MSRA: variants seen among roughly 807,000 people sequenced by gnomAD.
The protein encoded by MSRA is methionine sulfoxide reductase A.
Under a neutral mutation model 31.3 loss-of-function variants are expected in MSRA, and 54 were observed. That is an observed-to-expected ratio of 1.73 (90% CI 1.39 to 2.17). MSRA has a LOEUF of 2.17. Among genes scored for constraint, MSRA ranks in the 30% most tolerant of loss-of-function variants. MSRA has a pLI of 0.00. For synonymous variants in MSRA, 169 were observed against 116.5 expected, an observed-to-expected ratio of 1.45 and a Z score of -2.90; for missense variants, 507 against 300.9, an observed-to-expected ratio of 1.69 and a Z score of -5.07.
chr8:10,310,495 A>G (rs1801375323), intron 4 of MSRA, among the ~76,000 whole-genome samples: 1 of 151,990 alleles, frequency 6.6e-6, no homozygotes, highest in Non-Finnish European at 1.5e-5. Context: ...TCTATTTAAC[A>G]TTTTTCCTTT....
chr8:10,363,738 C>CCCCACACACACACACACA (rs1804991535), intron 5 of MSRA, among the ~76,000 whole-genome samples: 1 of 103,288 alleles, frequency 9.7e-6, no homozygotes, highest in African/African-American at 3.3e-5. Flanking sequence ...GATGCAGTCA[C>CCCCACACACACACACACA]CACACACACA....
intron 5 of MSRA, among the ~76,000 whole-genome samples, chr8:10,332,021 C>T (rs1432348730): frequency 6.6e-6 from 1 of 152,126 alleles, no homozygotes; most frequent in Non-Finnish European, 1.5e-5. Context: ...CTTCATCCTG[C>T]CTTTCTAGAG....
intron 5 of MSRA, among the ~76,000 whole-genome samples, chr8:10,386,094 A>C (rs1196492854): frequency 6.6e-6 from 1 of 152,228 alleles, no homozygotes; most frequent in Admixed American, 6.5e-5. Context: ...GGGGCCATTG[A>C]AGTGCCTGTG....
intron 2 of MSRA, among the ~76,000 whole-genome samples, chr8:10,232,739 GATTAAA>G (rs1197590512): frequency 6.6e-6 from 1 of 152,154 alleles, no homozygotes; most frequent in East Asian, 1.9e-4. Context: ...AGTAATGACA[GATTAAA>G]ATTGTGAGTA....
At chr8:10,212,690 G>A (rs1432392531) in intron 2 of MSRA, among the ~76,000 whole-genome samples, 1 of 152,130 alleles carries the variant, frequency 6.6e-6, no homozygotes, top group Non-Finnish European at 1.5e-5. Context: ...ACTTTCCAGG[G>A]ATGTAGGGTA....
chr8:10,319,958 C>T lies in MSRA; in HGVS notation c.512C>T (p.Ala171Val). The stretch of plus-strand genomic sequence containing the variant: ...CCGACCTCTGCCAAGCAAATGGAGG[C>T]AGCCCTGAGCTCCAAAGAGAACTAC... ...IYPTSAKQMEAALSSKENYQK... is the reference protein window; with the variant it reads ...IYPTSAKQMEVALSSKENYQK... The change falls in exon 5 of 6, where the codon GCA becomes GTA. Residue 171 changes from alanine to valine, a missense_variant. Transcript: ENST00000317173. 6.2e-7 allele frequency: 1 copy of T among 1,601,028 alleles called. No individual in the cohort carries two copies.
At chr8:10,412,896 T>C (rs1302521708) in intron 5 of MSRA, among the ~76,000 whole-genome samples, 1 of 152,198 alleles carries the variant, frequency 6.6e-6, no homozygotes, top group African/African-American at 2.4e-5. Flanking sequence ...CAAAGTGGCA[T>C]GATCAGTTTG....
chr8:10,135,608 G>A (rs1215488071), intron 1 of MSRA, among the ~76,000 whole-genome samples: 1 of 152,168 alleles, frequency 6.6e-6, no homozygotes, highest in Non-Finnish European at 1.5e-5. Context: ...ATGATCCCAA[G>A]CATATAACAT....
intron 3 of MSRA, among the ~76,000 whole-genome samples, chr8:10,268,445 C>T (rs538918548): frequency 6.6e-6 from 1 of 152,354 alleles, no homozygotes; most frequent in African/African-American, 2.4e-5. Flanking sequence ...TGAACTTCTA[C>T]TCCCGAGGTT....
chr8:10,357,798 G>T (rs1249322881), intron 5 of MSRA, among the ~76,000 whole-genome samples: 1 of 152,258 alleles, frequency 6.6e-6, no homozygotes, highest in African/African-American at 2.4e-5. Context: ...GTATGTTGGG[G>T]AGGGAGGGGT....
intron 1 of MSRA, among the ~76,000 whole-genome samples, chr8:10,173,324 A>G (rs17151249): frequency 0.019 from 2,881 of 152,334 alleles, 92 homozygotes; most frequent in African/African-American, 0.065. Flanking sequence ...TATCACACCC[A>G]GTTACTGTGA....
intron 5 of MSRA, among the ~76,000 whole-genome samples, chr8:10,403,764 G>A (rs369151882): frequency 2.0e-5 from 3 of 152,204 alleles, no homozygotes; most frequent in South Asian, 2.1e-4. Context: ...TGGCTTCCAG[G>A]CTCAGGCTGA....
rs144139440 is a variant in MSRA at position 10,269,381 on chromosome 8, C to T, written c.331+24158C>T. ...ACTTATAGCAGAATCAGAAATATGT[C>T]ATGATATATAGGCCTACTTATGGAA... On this transcript the variant is annotated intron_variant, in intron 3 of 5. Transcript: ENST00000317173. Among the ~76,000 whole-genome samples the T allele has an allele frequency of 1.9e-3, 287 of 152,284 alleles. 1 individual carries two copies. The highest frequency in any genetic ancestry group is 6.6e-3 in the African/African-American group (273 of 41,564).
At chr8:10,407,053 T>C (rs1206133213) in intron 5 of MSRA, among the ~76,000 whole-genome samples, 1 of 151,966 alleles carries the variant, frequency 6.6e-6, no homozygotes, top group Non-Finnish European at 1.5e-5. Context: ...AATTTTTTTA[T>C]TTTTTGTGGA....
At chr8:10,189,390 A>C (rs564250266) in intron 1 of MSRA, among the ~76,000 whole-genome samples, 3 of 152,224 alleles carry the variant, frequency 2.0e-5, no homozygotes, top group South Asian at 2.1e-4. Context: ...TGTCAAATAG[A>C]AGTAGAGTGA....
At chr8:10,216,701 C>A (rs1001125832) in intron 2 of MSRA, among the ~76,000 whole-genome samples, 1 of 152,208 alleles carries the variant, frequency 6.6e-6, no homozygotes, top group African/African-American at 2.4e-5. Context: ...GCTTATTCTA[C>A]TTCGCATAAT....
intron 3 of MSRA, among the ~76,000 whole-genome samples, chr8:10,246,973 G>A (rs1366145907): frequency 1.3e-5 from 2 of 152,078 alleles, no homozygotes; most frequent in Non-Finnish European, 2.9e-5. Context: ...GTGACTTAAT[G>A]GCCTAAGAGA....
chr8:10,373,170 C>T (rs933208950), intron 5 of MSRA, among the ~76,000 whole-genome samples: 1 of 152,214 alleles, frequency 6.6e-6, no homozygotes, highest in East Asian at 1.9e-4. Context: ...GGATTACAAG[C>T]GTGAGCCACC....
chr8:10,116,336 G>A (rs559510466), intron 1 of MSRA, among the ~76,000 whole-genome samples: 6 of 152,254 alleles, frequency 3.9e-5, no homozygotes, highest in East Asian at 3.9e-4. Flanking sequence ...CCAATATGGC[G>A]CAGAGAAGCC....
Sources: allele counts gnomAD v4.1 joint callset (sites outside exome capture counted in the v4.1 genomes callset), GRCh38; gene constraint gnomAD v4.1.1; transcripts MANE v1.5; gene names NCBI Gene and HGNC (gene_info 2026-07-23, HGNC 2026-07-21).